Variants in NFATC1 observed in about 807,000 individuals in gnomAD.
The protein encoded by NFATC1 is nuclear factor of activated T-cells, cytoplasmic 1.
NFATC1 carries 22 observed loss-of-function variants against 76.0 expected under a neutral mutation model. That is an observed-to-expected ratio of 0.29 (90% CI 0.21 to 0.41). NFATC1 has a LOEUF of 0.41. Ranked by LOEUF, NFATC1 falls within the 10% of genes least tolerant of loss-of-function variation. NFATC1 has a pLI of 1.00. For missense variants in NFATC1, 1,357 were observed against 1,337.7 expected (o/e 1.01, Z -0.23); for synonymous variants, 704 against 613.1 (o/e 1.15, Z -2.19).
At chr18:79,507,916 G>A (rs1445886278) in intron 9 of NFATC1, among the ~76,000 whole-genome samples, 1 of 152,252 alleles carries the variant, frequency 6.6e-6, no homozygotes, top group African/African-American at 2.4e-5. Context: ...CGTCGCTCTG[G>A]CCGGGCTCCC....
chr18:79,431,915 A>C (rs935883789), intron 2 of NFATC1, among the ~76,000 whole-genome samples: 3 of 152,048 alleles, frequency 2.0e-5, no homozygotes, highest in African/African-American at 7.2e-5. Flanking sequence ...GTTGGCCAGG[A>C]TGGTCTCAAT....
intron 3 of NFATC1, among the ~76,000 whole-genome samples, chr18:79,434,454 G>T (rs1296508450): frequency 1.3e-5 from 2 of 152,254 alleles, no homozygotes; most frequent in Non-Finnish European, 2.9e-5. Flanking sequence ...CACCCCAGGT[G>T]TTGATGTGGA....
intron 9 of NFATC1, among the ~76,000 whole-genome samples, chr18:79,526,253 A>T (rs2090760617): frequency 2.6e-5 from 4 of 152,186 alleles, no homozygotes; most frequent in Admixed American, 1.3e-4. Context: ...GTTTGTGAAG[A>T]GTCACACGGA....
intron 8 of NFATC1, among the ~76,000 whole-genome samples, chr18:79,481,336 G>C (rs571894134): frequency 2.4e-4 from 36 of 152,214 alleles, no homozygotes; most frequent in Non-Finnish European, 4.3e-4. Context: ...TCCAGACAGC[G>C]GTTAGAGCCC....
In NFATC1 at chr18:79,396,119, G is replaced by T. The variant is rs2084994568; in HGVS notation, c.-106G>T. 9.9e-6 allele frequency: 12 copies of T among 1,208,480 alleles called. No individual in the cohort carries two copies. The highest frequency in any genetic ancestry group is 2.4e-5 in the South Asian group (1 of 42,434). 74.9% of individuals were successfully genotyped at this position (1,208,480 alleles called of 1,614,324 possible). ...TTTCCTCCGGGGCGCGCGGCGCTGA[G>T]CCCGGGGCGAGGGCTGTCTTCCCGG... On this transcript the variant is annotated 5_prime_UTR_variant, in exon 1 of 10. Transcript: ENST00000427363.
intron 8 of NFATC1, among the ~76,000 whole-genome samples, chr18:79,474,266 A>G (rs1192114051): frequency 5.3e-5 from 6 of 112,678 alleles, no homozygotes; most frequent in East Asian, 3.2e-4. Flanking sequence ...TGTCGACGTA[A>G]ACCTGAGGGA....
At chr18:79,439,692 G>A (rs945896965) in intron 3 of NFATC1, among the ~76,000 whole-genome samples, 4 of 152,218 alleles carry the variant, frequency 2.6e-5, no homozygotes, top group African/African-American at 9.7e-5. Context: ...TTTCCCAGGA[G>A]CAAGAACTCT....
chr18:79,428,124 G>A (rs975752128), intron 2 of NFATC1, among the ~76,000 whole-genome samples: 13 of 152,002 alleles, frequency 8.6e-5, no homozygotes, highest in Admixed American at 7.9e-4. Flanking sequence ...GGGCCTGGAC[G>A]TCTGGCTTCT....
intron 6 of NFATC1, among the ~76,000 whole-genome samples, chr18:79,457,527 T>A (rs1328865702): frequency 2.0e-5 from 3 of 152,216 alleles, no homozygotes; most frequent in African/African-American, 7.2e-5. Flanking sequence ...TCACCCATGG[T>A]CATGTTGGCT....
At chr18:79,467,346 G>A (rs1473478974) in intron 7 of NFATC1, 104 bp from the exon 8 acceptor site, 11 of 1,160,306 alleles carry the variant, frequency 9.5e-6, no homozygotes, top group South Asian at 1.5e-5. Flanking sequence ...CGGGGTTGCC[G>A]TGTGGCCGCC....
intron 9 of NFATC1, among the ~76,000 whole-genome samples, chr18:79,503,709 C>T (rs2090060995): frequency 6.6e-6 from 1 of 152,202 alleles, no homozygotes; most frequent in Non-Finnish European, 1.5e-5. Flanking sequence ...AGCTTTGCAG[C>T]CAGACACTGA....
At chr18:79,466,012 G>T (rs1218267395) in intron 7 of NFATC1, among the ~76,000 whole-genome samples, 2 of 152,230 alleles carry the variant, frequency 1.3e-5, no homozygotes, top group Non-Finnish European at 2.9e-5. Flanking sequence ...CCAATGAACT[G>T]CAGTTAATTA....
At chr18:79,440,000 G>C (rs953526948) in intron 3 of NFATC1, among the ~76,000 whole-genome samples, 1 of 152,172 alleles carries the variant, frequency 6.6e-6, no homozygotes. Flanking sequence ...GCCTCTGGCA[G>C]GTCTGCGACA....
At chr18:79,479,905 C>G (rs907352322) in intron 8 of NFATC1, among the ~76,000 whole-genome samples, 2 of 152,230 alleles carry the variant, frequency 1.3e-5, no homozygotes, top group African/African-American at 4.8e-5. Flanking sequence ...CACAAGACGC[C>G]GCTGCCAGGG....
intron 2 of NFATC1, among the ~76,000 whole-genome samples, chr18:79,424,035 C>T (rs1026599771): frequency 2.0e-5 from 3 of 152,232 alleles, no homozygotes; most frequent in Non-Finnish European, 2.9e-5. Flanking sequence ...CTCCACTCCC[C>T]GGCCTGCTGG....
Position 79,524,538 on chromosome 18 carries a change from A to G in NFATC1, c.2783-2990A>G, listed in dbSNP as rs1253667079. On this transcript the variant is annotated intron_variant, in intron 9 of 9. Coordinates refer to ENST00000427363, the MANE Select transcript of NFATC1 (RefSeq NM_001278669.2). This position sits in a 1 kb window ranked among gnomAD's most constrained non-coding sequence, Gnocchi z 7.2. ...CCTGCAGCGTCTGAGACCTTGTGGA[A>G]CACACTTGACCCGGCGCTGGGACGG... is the stretch of plus-strand genomic sequence containing the variant. Among the ~76,000 whole-genome samples the G allele has an allele frequency of 6.6e-6, 1 of 152,158 alleles. No individual in the cohort carries two copies. The highest frequency in any genetic ancestry group is 1.5e-5 in the Non-Finnish European group (1 of 68,000).
chr18:79,411,400 G>A lies in NFATC1; in HGVS notation c.1125G>A (p.Gln375=), dbSNP rs756921193. Residue 375 remains glutamine (Q), a synonymous_variant, in exon 2 of 10, where the codon CAG becomes CAA. Transcript: ENST00000427363. The part of the protein sequence containing the change: ...DFAPEDYSSF[Q]HIRKGGFCDQ... ...CGCCCGAAGACTACTCCTCTTTCCA[G>A]CACATCAGGAAGGGCGGCTTCTGCG... 1.3e-6 allele frequency: 2 copies of A among 1,571,532 alleles called. No individual in the cohort carries two copies. The highest frequency in any genetic ancestry group is 1.7e-6 in the Non-Finnish European group (2 of 1,161,340).
chr18:79,395,993 GCAGGGCGCGGGCAC>G lies in NFATC1; in HGVS notation c.-230_-217del. On this transcript the variant is annotated 5_prime_UTR_variant, in exon 1 of 10. Transcript: ENST00000427363. ...GGAGTCGCCGCGCCAGATCCCAGCA[GCAGGGCGCGGGCAC>G]CGGGGCGCGGGCAGGGCTCGGAGCC... The G allele has an allele frequency of 3.8e-6, 1 of 262,522 alleles. No individual in the cohort carries two copies. Among genetic ancestry groups the G allele is most frequent in the Non-Finnish European group, 6.6e-6 (1 of 151,046 alleles). The allele number at this position is 262,522 out of a possible 1,614,324, so 16.3% of individuals were successfully genotyped here.
intron 2 of NFATC1, among the ~76,000 whole-genome samples, chr18:79,415,448 AT>A (rs1448061512): frequency 6.7e-6 from 1 of 150,280 alleles, no homozygotes; most frequent in East Asian, 2.0e-4. Flanking sequence ...GCGCCCGGCT[AT>A]TTTTTTGTAT....
Sources: allele counts gnomAD v4.1 joint callset (sites outside exome capture counted in the v4.1 genomes callset), GRCh38; gene constraint gnomAD v4.1.1; non-coding constraint Gnocchi (gnomAD v3.1); transcripts MANE v1.5; gene names NCBI Gene and HGNC (gene_info 2026-07-23, HGNC 2026-07-21).